CRTAM: variants seen among roughly 807,000 people sequenced by gnomAD.
The protein encoded by CRTAM is cytotoxic and regulatory T-cell molecule.
CRTAM carries 44 observed loss-of-function variants against 50.0 expected under a neutral mutation model. That is an observed-to-expected ratio of 0.88 (90% CI 0.69 to 1.13). CRTAM has a LOEUF of 1.13. Ranked by LOEUF, CRTAM falls within the 50% of genes most tolerant of loss-of-function variation. CRTAM has a pLI of 0.00. For missense variants in CRTAM, 448 were observed against 457.5 expected (o/e 0.98, Z 0.19); for synonymous variants, 159 against 169.3 (o/e 0.94, Z 0.47).
chr11:122,861,743 C>T (rs1330938374), intron 5 of CRTAM, among the ~76,000 whole-genome samples: 2 of 151,982 alleles, frequency 1.3e-5, no homozygotes, highest in Non-Finnish European at 2.9e-5. Flanking sequence ...GCCCACCCGA[C>T]ATGTCAGTGT....
At chr11:122,863,349 GAA>G (rs1294206737) in intron 6 of CRTAM, among the ~76,000 whole-genome samples, 1,819 of 43,464 alleles carry the variant, frequency 0.042, 25 homozygotes, top group Middle Eastern at 0.18. Context: ...AAGAAAGAAA[GAA>G]AAAGAAAGAA....
At position 122,839,573 on chromosome 11, in the gene CRTAM, G is replaced by A. The variant is rs150199635; in HGVS notation, c.46+981G>A. ...ATTATGAAAATTAAGGATAGAAGCA[G>A]TTACCTTTTTGGAGCAGGTCAAATT... On this transcript the variant is annotated intron_variant, in intron 1 of 9. Coordinates refer to ENST00000227348, the MANE Select transcript of CRTAM (RefSeq NM_019604.4). 2.2e-4 allele frequency among the ~76,000 whole-genome samples: 33 copies of A among 152,318 alleles called. No individual in the cohort carries two copies. The East Asian group carries it at 6.4e-3, about 29-fold the overall frequency.
rs1862258593 is a variant in CRTAM at position 122,871,818 on chromosome 11, T to G, written c.*419T>G. On this transcript the variant is annotated 3_prime_UTR_variant, in exon 10 of 10. Coordinates refer to ENST00000227348, the MANE Select transcript of CRTAM (RefSeq NM_019604.4). ...AAATAAAGAAATTTGGGATGCAAAG[T>G]ACCTAAAGATCTCTGATCCTAAGAA... 3 of 152,312 alleles carry G rather than the reference T, an allele frequency of 2.0e-5. No individual in the cohort carries two copies. The highest frequency in any genetic ancestry group is 1.3e-4 in the Admixed American group (2 of 15,268). The allele number at this position is 152,312 out of a possible 1,614,324, so 9.4% of individuals were successfully genotyped here. A position where few individuals can be genotyped will look rare whatever the true frequency, so the allele number is the denominator to read the frequency against.
rs746434173 is a variant in CRTAM at position 122,842,228 on chromosome 11, T to G, written c.46+3636T>G. Among the ~76,000 whole-genome samples, 256 of 152,188 alleles carry G rather than the reference T, an allele frequency of 1.7e-3. 13 individuals carry two copies. The highest frequency in any genetic ancestry group is 4.4e-4 in the Non-Finnish European group (30 of 68,032). Reference sequence around the variant, plus strand: ...AGGCAATGGAAGCCATAGCAAACACTTGAATGAAGGAAGAGACATAATCAA... The same window carrying G: ...AGGCAATGGAAGCCATAGCAAACACGTGAATGAAGGAAGAGACATAATCAA... On this transcript the variant is annotated intron_variant, in intron 1 of 9. Coordinates refer to ENST00000227348, the MANE Select transcript of CRTAM (RefSeq NM_019604.4).
intron 2 of CRTAM, among the ~76,000 whole-genome samples, chr11:122,851,464 G>A (rs956990204): frequency 1.3e-5 from 2 of 152,130 alleles, no homozygotes; most frequent in African/African-American, 4.8e-5. Flanking sequence ...TTGGTACACT[G>A]GGAGAAGAGG....
intron 2 of CRTAM, 149 bp from the exon 3 acceptor site, chr11:122,851,544 C>T (rs1861929277): frequency 1.4e-6 from 1 of 703,890 alleles, no homozygotes. Context: ...AATGATCTTA[C>T]CTTCCCGTGG....
At chr11:122,866,480 C>G (rs1261590036) in intron 7 of CRTAM, among the ~76,000 whole-genome samples, 1 of 152,128 alleles carries the variant, frequency 6.6e-6, no homozygotes, top group African/African-American at 2.4e-5. Context: ...ACTGTGCCTT[C>G]TGTAGGTCCA....
At chr11:122,854,152 T>C in intron 4 of CRTAM, 66 bp downstream of exon 4, 1 of 1,548,130 alleles carries the variant, frequency 6.5e-7, no homozygotes, top group Non-Finnish European at 8.8e-7. Flanking sequence ...TTTTAAATGT[T>C]TTGGCACCCT....
chr11:122,844,594 C>T (rs929441025), intron 1 of CRTAM, among the ~76,000 whole-genome samples: 6 of 152,178 alleles, frequency 3.9e-5, no homozygotes, highest in Admixed American at 2.0e-4. Context: ...ATAGTGCCAT[C>T]GTGAATACTA....
Position 122,863,329 on chromosome 11 carries a change from GAAAGAAAGAAAGAAAGAAAGAA to G in CRTAM, c.733+805_733+826del, listed in dbSNP as rs1239898733. On this transcript the variant is annotated intron_variant, in intron 6 of 9. Transcript: ENST00000227348. ...AAGAAAAGAAAGAAAGAAAAAGAAA[GAAAGAAAGAAAGAAAGAAAGAA>G]AAAGAAAGAAAGAAAGAAAAAGAAA... 3.0e-3 allele frequency among the ~76,000 whole-genome samples: 238 copies of G among 79,210 alleles called. 3 individuals carry two copies. The highest frequency in any genetic ancestry group is 0.017 in the South Asian group (29 of 1,744). The allele number at this position is 79,210 out of a possible 152,430, so 52.0% of individuals were successfully genotyped here.
intron 5 of CRTAM, among the ~76,000 whole-genome samples, chr11:122,861,386 G>A (rs1181956816): frequency 2.4e-5 from 1 of 41,826 alleles, no homozygotes; most frequent in Non-Finnish European, 4.1e-5. Flanking sequence ...ATACATATAC[G>A]TATATATATA....
At chr11:122,855,604 T>G in intron 4 of CRTAM, 91 bp from the exon 5 acceptor site, 1 of 1,066,836 alleles carries the variant, frequency 9.4e-7, no homozygotes, top group Non-Finnish European at 1.4e-6. Flanking sequence ...AAATCTAATG[T>G]TTGCCATGAA....
rs759685588 is a variant in CRTAM at position 122,854,087 on chromosome 11, G to T, written c.490+1G>T. ...CTTGGGAATAGCATGGAAGTGTCCG[G>T]TAAGGGGAGAAATGGTTCTCTTTGT... On this transcript the variant is annotated splice_donor_variant, in intron 4 of 9. Transcript: ENST00000227348. LOFTEE classifies it high-confidence loss of function. 1 of 1,609,724 alleles carries T rather than the reference G, an allele frequency of 6.2e-7. No individual in the cohort carries two copies. Among genetic ancestry groups the T allele is most frequent in the Non-Finnish European group, 8.5e-7 (1 of 1,178,666 alleles).
intron 7 of CRTAM, among the ~76,000 whole-genome samples, chr11:122,864,970 AC>A (rs1862150007): frequency 1.3e-5 from 2 of 151,702 alleles, no homozygotes; most frequent in Admixed American, 1.3e-4. Flanking sequence ...TCCTCTTCTG[AC>A]TTCTTAAATG....
intron 1 of CRTAM, among the ~76,000 whole-genome samples, chr11:122,847,340 T>C (rs569128597): frequency 6.6e-6 from 1 of 152,174 alleles, no homozygotes; most frequent in Non-Finnish European, 1.5e-5. Flanking sequence ...CAGGTTCAGA[T>C]GGTACAAAGC....
intron 1 of CRTAM, among the ~76,000 whole-genome samples, chr11:122,844,301 T>A (rs1861835192): frequency 6.6e-6 from 1 of 152,232 alleles, no homozygotes; most frequent in South Asian, 2.1e-4. Context: ...AACCTTAAAA[T>A]GGGAGACATT....
chr11:122,848,124 G>A (rs981603951), intron 1 of CRTAM, among the ~76,000 whole-genome samples: 1 of 152,170 alleles, frequency 6.6e-6, no homozygotes. Context: ...GCCCCACCAC[G>A]AATTCCGAGT....
intron 7 of CRTAM, 67 bp downstream of exon 7, chr11:122,864,786 T>C: frequency 4.2e-6 from 5 of 1,194,592 alleles, no homozygotes; most frequent in Non-Finnish European, 6.2e-6. Flanking sequence ...ATAAATTCAA[T>C]GGCCTTTGTC....
At chr11:122,858,890 G>T (rs922993382) in intron 5 of CRTAM, among the ~76,000 whole-genome samples, 4 of 151,946 alleles carry the variant, frequency 2.6e-5, no homozygotes, top group Non-Finnish European at 5.9e-5. Context: ...CCTGGGGATA[G>T]GATTTTTTAA....
Sources: allele counts gnomAD v4.1 joint callset (sites outside exome capture counted in the v4.1 genomes callset), GRCh38; gene constraint gnomAD v4.1.1; transcripts MANE v1.5; gene names NCBI Gene and HGNC (gene_info 2026-07-23, HGNC 2026-07-21).